DNMT3B: variants seen among roughly 807,000 people sequenced by gnomAD.
DNMT3B encodes the protein DNA (cytosine-5)-methyltransferase 3B.
Under a neutral mutation model 120.2 loss-of-function variants are expected in DNMT3B, and 37 were observed. The observed-to-expected ratio is 0.31, with a 90% CI of 0.24 to 0.40. DNMT3B has a LOEUF of 0.40. DNMT3B is among the 10% of genes least tolerant of loss of function. The pLI is 1.00. For synonymous variants in DNMT3B, 412 were observed against 442.8 expected, an observed-to-expected ratio of 0.93 and a Z score of 0.87; for missense variants, 878 against 1,137.3, an observed-to-expected ratio of 0.77 and a Z score of 3.28.
At chr20:32,783,146 C>T (rs1182556047) in intron 3 of DNMT3B, among the ~76,000 whole-genome samples, 6 of 152,022 alleles carry the variant, frequency 3.9e-5, no homozygotes, top group African/African-American at 1.2e-4. Context: ...AGGCTGGTCT[C>T]GAACTCCTGG....
At chr20:32,786,465 C>A in intron 4 of DNMT3B, 37 bp from the exon 5 acceptor site, 1 of 1,613,650 alleles carries the variant, frequency 6.2e-7, no homozygotes, top group South Asian at 1.1e-5. Context: ...GGCCTCCAGT[C>A]ACCTAAGGCC....
Position 32,762,403 on chromosome 20 carries a change from G to A in DNMT3B, c.-303G>A, listed in dbSNP as rs909287301. On this transcript the variant is annotated 5_prime_UTR_variant, in exon 1 of 23. Coordinates refer to ENST00000328111, the MANE Select transcript of DNMT3B (RefSeq NM_006892.4). ...CCTCCCCACCCACTCCCGCTGCCCC[G>A]TCCGGCCCGCGCCGCTTCCTCGCAG... 1.9e-4 allele frequency: 29 copies of A among 154,582 alleles called. No homozygotes were observed. Among genetic ancestry groups the A allele is most frequent in the Admixed American group, 3.9e-4 (6 of 15,258 alleles). The allele number at this position is 154,582 out of a possible 1,614,324, so 9.6% of individuals were successfully genotyped here.
chr20:32,775,245 GT>G (rs1988008830), intron 1 of DNMT3B, among the ~76,000 whole-genome samples: 1 of 152,130 alleles, frequency 6.6e-6, no homozygotes, highest in Non-Finnish European at 1.5e-5. Flanking sequence ...TAGGATTTTA[GT>G]TTTTAATTTT....
At chr20:32,798,078 G>A (rs892096735) in intron 14 of DNMT3B, among the ~76,000 whole-genome samples, 1 of 151,720 alleles carries the variant, frequency 6.6e-6, no homozygotes, top group African/African-American at 2.4e-5. Flanking sequence ...AAGCCCCAGA[G>A]TTGTAGGTGT....
At chr20:32,797,372 G>A (rs1980765336) in intron 14 of DNMT3B, 73 bp downstream of exon 14, 2 of 1,427,466 alleles carry the variant, frequency 1.4e-6, no homozygotes, top group Non-Finnish European at 2.0e-6. Context: ...TCTGCAGACA[G>A]CTGTCTGTTG....
chr20:32,779,482 C>T (rs1318877739), intron 1 of DNMT3B, among the ~76,000 whole-genome samples: 1 of 152,250 alleles, frequency 6.6e-6, no homozygotes, highest in African/African-American at 2.4e-5. Context: ...AATGGGCCAG[C>T]CCAGAGGTTA....
At chr20:32,768,017 T>G (rs1166901613) in intron 1 of DNMT3B, among the ~76,000 whole-genome samples, 1 of 151,924 alleles carries the variant, frequency 6.6e-6, no homozygotes, top group Non-Finnish European at 1.5e-5. Context: ...GCCAGAACAG[T>G]GATGGGCCCT....
chr20:32,797,133 G>A (rs1568852369), intron 13 of DNMT3B, 54 bp from the exon 14 acceptor site: 2 of 1,608,554 alleles, frequency 1.2e-6, no homozygotes, highest in Non-Finnish European at 8.5e-7. Flanking sequence ...CAAGCCGGCA[G>A]GGCCTGCCCT....
chr20:32,774,913 G>A (rs892661962), intron 1 of DNMT3B, among the ~76,000 whole-genome samples: 1 of 151,982 alleles, frequency 6.6e-6, no homozygotes, highest in Non-Finnish European at 1.5e-5. Context: ...AGTAGAGACT[G>A]GTTACACCAT....
intron 1 of DNMT3B, chr20:32,780,056 C>T: frequency 1.3e-6 from 2 of 1,598,730 alleles, no homozygotes; most frequent in Non-Finnish European, 1.7e-6. Flanking sequence ...AGACCCCAGC[C>T]CTGGCCTCCC....
At chr20:32,765,426 C>CTT (rs1332563220) in intron 1 of DNMT3B, among the ~76,000 whole-genome samples, 2 of 90,278 alleles carry the variant, frequency 2.2e-5, no homozygotes, top group African/African-American at 8.5e-5. Context: ...TTTTTTCTTT[C>CTT]TTTTTTTTTT....
intron 3 of DNMT3B, among the ~76,000 whole-genome samples, chr20:32,784,169 G>A (rs897594116): frequency 6.6e-5 from 10 of 152,120 alleles, no homozygotes; most frequent in East Asian, 1.9e-4. Flanking sequence ...CACCCGCGTC[G>A]GCCTCCCAAA....
At chr20:32,780,266 C>T (rs1978434138) in intron 1 of DNMT3B, 52 bp from the exon 2 acceptor site, 2 of 1,613,400 alleles carry the variant, frequency 1.2e-6, no homozygotes, top group African/African-American at 1.3e-5. Context: ...AACACTGTCC[C>T]TCTCATGTCC....
intron 19 of DNMT3B, among the ~76,000 whole-genome samples, 155 bp from the exon 20 acceptor site, chr20:32,802,230 C>T (rs1981429529): frequency 1.3e-5 from 2 of 152,202 alleles, no homozygotes; most frequent in African/African-American, 4.8e-5. Flanking sequence ...TTACCATGTC[C>T]TCTAGCCAGC....
chr20:32,762,595 G>T lies in DNMT3B; in HGVS notation c.-111G>T. ...ACCTAGCTCGGCGATCGGCGCCGGAGATTCGCGAGCCCAGCGCCCTGCACG... is the reference window on the plus strand; with the variant it reads ...ACCTAGCTCGGCGATCGGCGCCGGATATTCGCGAGCCCAGCGCCCTGCACG... On this transcript the variant is annotated 5_prime_UTR_variant, in exon 1 of 23. Transcript: ENST00000328111. 1 of 332,536 alleles carries T rather than the reference G, an allele frequency of 3.0e-6. No individual in the cohort carries two copies. Among genetic ancestry groups the T allele is most frequent in the Non-Finnish European group, 6.2e-6 (1 of 161,010 alleles). 20.6% of individuals were successfully genotyped at this position (332,536 alleles called of 1,614,324 possible).
At chr20:32,802,524 C>T (rs1163070419) in intron 20 of DNMT3B, 54 bp downstream of exon 20, 4 of 1,538,036 alleles carry the variant, frequency 2.6e-6, no homozygotes, top group Non-Finnish European at 3.6e-6. Context: ...TATGTGATAA[C>T]AAGCTCTGAC....
rs983607644 is a variant in DNMT3B at position 32,803,731 on chromosome 20, G to A, written c.2231+1261G>A. Reference sequence around the variant, plus strand: ...TGCAGTTATTAGAGTACTCCAGGTGGGAAGAGGGTCTGGGATGATGGGAAA... The same window carrying A: ...TGCAGTTATTAGAGTACTCCAGGTGAGAAGAGGGTCTGGGATGATGGGAAA... On this transcript the variant is annotated intron_variant, in intron 20 of 22. Coordinates refer to ENST00000328111, the MANE Select transcript of DNMT3B (RefSeq NM_006892.4). Among the ~76,000 whole-genome samples the A allele has an allele frequency of 2.6e-5, 4 of 152,170 alleles. No individual in the cohort carries two copies. In the South Asian group the frequency reaches 6.2e-4, roughly 24 times the overall value.
chr20:32,797,262 C>T lies in DNMT3B; in HGVS notation c.1453C>T (p.Arg485Ter). ...TTACTGCACTGTGTGCTGCGAGGGC[C>T]GAGAGCTGCTGCTTTGCAGCAACAC... ...QSYCTVCCEG[R>*]ELLLCSNTSC... The change falls in exon 14 of 23, where the codon CGA becomes TGA. Residue 485 changes from arginine to a stop codon, truncating the protein, a stop_gained. Transcript: ENST00000328111. LOFTEE classifies it high-confidence loss of function. 5 of 1,614,184 alleles carry T rather than the reference C, an allele frequency of 3.1e-6. No homozygotes were observed. The highest frequency in any genetic ancestry group is 3.4e-6 in the Non-Finnish European group (4 of 1,180,048).
rs751976489 is a variant in DNMT3B, at chr20:32,795,475, G to A, written c.1193G>A (p.Arg398His). ...TCTGACTACTGCCCCGCACCCAAGC[G>A]CCTCAAGACAAATTGCTATAACAAC... is the stretch of plus-strand genomic sequence containing the variant. ...ATSDYCPAPK[R>H]LKTNCYNNGK... is the part of the protein sequence containing the mutation. Residue 398 changes from arginine to histidine, a missense_variant, in exon 11 of 23, where the codon CGC becomes CAC. Around this residue, in one of 4 missense-constraint regions of DNMT3B, gnomAD observed 207 missense variants for 222.6 expected, o/e 0.93. Coordinates refer to ENST00000328111, the MANE Select transcript of DNMT3B (RefSeq NM_006892.4). The A allele has an allele frequency of 5.0e-6, 8 of 1,614,138 alleles. No homozygotes were observed. The highest frequency in any genetic ancestry group is 3.3e-5 in the South Asian group (3 of 91,082).
Sources: gnomAD v4.1 joint callset for allele counts (sites outside exome capture counted in the v4.1 genomes callset) on GRCh38, gnomAD v4.1.1 for gene constraint, gnomAD v4.1.1 regional missense constraint, MANE v1.5 for transcripts, NCBI Gene and HGNC (gene_info 2026-07-23, HGNC 2026-07-21) for gene names.